The following ITPR1 variants were observed in gnomAD, a reference collection of about 807,000 sequenced individuals.
ITPR1 encodes inositol 1,4,5-trisphosphate receptor type 1.
In ITPR1, 96 loss-of-function variants were observed where a neutral mutation model predicts 318.4. That is an observed-to-expected ratio of 0.30 (90% CI 0.26 to 0.36). ITPR1 has a LOEUF of 0.36. Ranked by LOEUF, ITPR1 falls within the 10% of genes least tolerant of loss-of-function variation. The probability of loss-of-function intolerance (pLI) is 1.00; values close to 1 mark genes in which losing one functional copy is unlikely to be tolerated. For synonymous variants in ITPR1, 1,312 were observed against 1,289.9 expected, an observed-to-expected ratio of 1.02 and a Z score of -0.37; for missense variants, 2,440 against 3,460.2, an observed-to-expected ratio of 0.71 and a Z score of 7.40.
chr3:4,666,117 G>T (rs958059193), intron 17 of ITPR1, among the ~76,000 whole-genome samples: 2 of 152,136 alleles, frequency 1.3e-5, no homozygotes, highest in Non-Finnish European at 2.9e-5. Context: ...ATGGAGTACC[G>T]TAGGCATGCA....
chr3:4,700,412 A>T (rs17762078), intron 35 of ITPR1, among the ~76,000 whole-genome samples: 18,915 of 152,284 alleles, frequency 0.12, 1,512 homozygotes, highest in Middle Eastern at 0.18. Flanking sequence ...CTGAGTTGCT[A>T]ATTTGTTGAA....
At chr3:4,836,240 T>C (rs2050904862) in intron 60 of ITPR1, among the ~76,000 whole-genome samples, 1 of 152,042 alleles carries the variant, frequency 6.6e-6, no homozygotes, top group Admixed American at 6.6e-5. Context: ...GAATGGTGGT[T>C]GCCCGGGGCC....
intron 60 of ITPR1, among the ~76,000 whole-genome samples, chr3:4,832,557 G>A (rs2050592117): frequency 6.6e-6 from 1 of 152,082 alleles, no homozygotes; most frequent in Non-Finnish European, 1.5e-5. Flanking sequence ...CTTGAACCCG[G>A]TAGATAGGCA....
chr3:4,591,998 T>G (rs1354567641), intron 4 of ITPR1, among the ~76,000 whole-genome samples: 4 of 152,240 alleles, frequency 2.6e-5, no homozygotes, highest in Non-Finnish European at 4.4e-5. Context: ...TTGAGATCAG[T>G]CTTCCTGCTT....
At position 4,811,261 on chromosome 3, in the gene ITPR1, A is replaced by C; in HGVS notation, c.7273-4A>C. 1 of 1,546,420 alleles carries C rather than the reference A, an allele frequency of 6.5e-7. No individual in the cohort carries two copies. Among genetic ancestry groups the C allele is most frequent in the Non-Finnish European group, 8.7e-7 (1 of 1,148,154 alleles). On this transcript the variant is annotated splice_polypyrimidine_tract_variant and splice_region_variant and intron_variant, in intron 55 of 61. Coordinates refer to ENST00000649015, the MANE Select transcript of ITPR1 (RefSeq NM_001378452.1). ...CTTAAAATTCTTTTTGTTTGTTTTC[A>C]AAGCTTTTTGATTTAGTGTACAGAG...
chr3:4,560,315 G>A lies in ITPR1; in HGVS notation c.163+39221G>A, dbSNP rs556436533. Among the ~76,000 whole-genome samples, 47 of 152,202 alleles carry A rather than the reference G, an allele frequency of 3.1e-4. No individual in the cohort carries two copies. In the South Asian group the frequency reaches 8.7e-3, roughly 28 times the overall value. ...GCACTTCCCCCAGTTAATGTAATAA[G>A]GTTCTCTCTCAGGTCTCAGAATGTT... On this transcript the variant is annotated intron_variant, in intron 4 of 61. Transcript: ENST00000649015.
chr3:4,747,931 G>A (rs1008705352), intron 44 of ITPR1, among the ~76,000 whole-genome samples: 6 of 152,164 alleles, frequency 3.9e-5, no homozygotes, highest in South Asian at 2.1e-4. Flanking sequence ...GCTTTTGCCC[G>A]TTTTGCTCAG....
intron 61 of ITPR1, among the ~76,000 whole-genome samples, chr3:4,837,950 C>A (rs2051051072): frequency 6.6e-6 from 1 of 152,096 alleles, no homozygotes; most frequent in South Asian, 2.1e-4. Flanking sequence ...AGGCATGGGC[C>A]ATGTCTGCAC....
intron 4 of ITPR1, among the ~76,000 whole-genome samples, chr3:4,605,127 A>G (rs527272513): frequency 9.9e-4 from 151 of 152,232 alleles, no homozygotes; most frequent in African/African-American, 3.4e-3. Flanking sequence ...ACACGCCACC[A>G]TGCCTAGCTA....
intron 33 of ITPR1, 35 bp from the exon 34 acceptor site, chr3:4,697,112 A>G: frequency 6.2e-7 from 1 of 1,604,740 alleles, no homozygotes; most frequent in Non-Finnish European, 8.5e-7. Flanking sequence ...ACACACCAAG[A>G]TGGTTTTTCA....
chr3:4,517,855 T>A (rs1277735316), intron 3 of ITPR1, among the ~76,000 whole-genome samples: 2 of 152,222 alleles, frequency 1.3e-5, no homozygotes, highest in Non-Finnish European at 2.9e-5. Context: ...CTTCTTCTTT[T>A]CAGTAATGAC....
intron 10 of ITPR1, among the ~76,000 whole-genome samples, chr3:4,651,922 C>T (rs1046179225): frequency 3.3e-5 from 5 of 152,240 alleles, no homozygotes; most frequent in South Asian, 2.1e-4. Flanking sequence ...CTAGGAGACT[C>T]GATGCCTTCT....
At chr3:4,641,860 G>A (rs1327338642) in intron 6 of ITPR1, among the ~76,000 whole-genome samples, 1 of 152,194 alleles carries the variant, frequency 6.6e-6, no homozygotes, top group East Asian at 1.9e-4. Context: ...CCAAGGCTTT[G>A]CTGAAAAATA....
At position 4,684,133 on chromosome 3, in the gene ITPR1, A is replaced by C; in HGVS notation, c.3499-148A>C. The C allele has an allele frequency of 4.6e-6, 3 of 649,306 alleles. No homozygotes were observed. In the Admixed American group the frequency reaches 7.8e-5, roughly 17 times the overall value. The allele number at this position is 649,306 out of a possible 1,614,324, so 40.2% of individuals were successfully genotyped here. On this transcript the variant is annotated intron_variant, in intron 28 of 61. Transcript: ENST00000649015. ...CTTCCCAAGGAAACCCATAGCAAGT[A>C]GGTAGATGACTGGGGCATAAGCCCA...
rs998092306 is a variant in ITPR1 at position 4,683,662 on chromosome 3, A to G, written c.3362A>G (p.Asn1121Ser). The G allele has an allele frequency of 4.3e-6, 7 of 1,613,964 alleles. No individual in the cohort carries two copies. Among genetic ancestry groups the G allele is most frequent in the African/African-American group, 4.0e-5 (3 of 74,960 alleles). ...CTGGTTACCAGCCAAGATGTGGACA[A>G]CTACAAACAGATCAAACAAGACTTG... ...QLLVTSQDVD[N>S]YKQIKQDLDQ... is the part of the protein sequence containing the mutation. Residue 1121 changes from asparagine to serine, a missense_variant, in exon 28 of 62, where the codon AAC becomes AGC. Around this residue, in one of 23 missense-constraint regions of ITPR1, gnomAD observed 76 missense variants for 132.2 expected, o/e 0.58. Transcript: ENST00000649015.
intron 3 of ITPR1, among the ~76,000 whole-genome samples, chr3:4,520,249 A>G (rs1178181883): frequency 5.3e-5 from 8 of 152,212 alleles, no homozygotes; most frequent in Non-Finnish European, 1.2e-4. Flanking sequence ...CTGTTCAAAA[A>G]TATATTTTTA....
chr3:4,669,409 T>C (rs1038318022), intron 18 of ITPR1, among the ~76,000 whole-genome samples: 1 of 152,182 alleles, frequency 6.6e-6, no homozygotes, highest in Non-Finnish European at 1.5e-5. Context: ...TTCCTTCTTC[T>C]CATCTTTGCC....
At chr3:4,695,258 T>A (rs996896183) in intron 33 of ITPR1, among the ~76,000 whole-genome samples, 1 of 152,248 alleles carries the variant, frequency 6.6e-6, no homozygotes, top group African/African-American at 2.4e-5. Flanking sequence ...TTCTCATATA[T>A]CTGGCAGGTG....
rs1244455021 is a variant in ITPR1 at position 4,814,452 on chromosome 3, G to A, written c.7591G>A (p.Asp2531Asn). The A allele has an allele frequency of 1.2e-6, 2 of 1,613,994 alleles. No individual in the cohort carries two copies. The highest frequency in any genetic ancestry group is 1.7e-6 in the Non-Finnish European group (2 of 1,179,888). ...GGTCCCTGCAGAAGAGACGGAACAG[G>A]ATAAAGAGCACACATGTGAGACGCT... ...ELVPAEETEQ[D>N]KEHTCETLLM... The change falls in exon 58 of 62, where the codon GAT becomes AAT. Residue 2531 changes from aspartate to asparagine, a missense_variant. Asp to Asn is a conservative substitution (Grantham distance 23). Around this residue, in one of 23 missense-constraint regions of ITPR1, gnomAD observed 88 missense variants for 90.5 expected, o/e 0.97. Transcript: ENST00000649015.
Sources: gnomAD v4.1 joint callset for allele counts (sites outside exome capture counted in the v4.1 genomes callset) on GRCh38, gnomAD v4.1.1 for gene constraint, gnomAD v4.1.1 regional missense constraint, MANE v1.5 for transcripts, NCBI Gene and HGNC (gene_info 2026-07-23, HGNC 2026-07-21) for gene names.